The following RASAL1 variants were observed in gnomAD, a reference collection of about 807,000 sequenced individuals.
RASAL1 encodes the protein RAS protein activator like 1.
Under a neutral mutation model 96.6 loss-of-function variants are expected in RASAL1, and 72 were observed. The observed-to-expected ratio is 0.75, with a 90% confidence interval of 0.62 to 0.91. The LOEUF is 0.91. Among genes scored for constraint, RASAL1 ranks in the 40% least tolerant of loss-of-function variants. The pLI, the probability that RASAL1 is intolerant of heterozygous loss-of-function variation, is 0.00. For synonymous variants in RASAL1, 405 were observed against 430.4 expected (o/e 0.94, Z 0.73); for missense variants, 1,016 against 1,072.5 (o/e 0.95, Z 0.74).
chr12:113,121,667 A>G, intron 4 of RASAL1, 29 bp from the exon 5 acceptor site: 1 of 1,613,188 alleles, frequency 6.2e-7, no homozygotes. Flanking sequence ...AACATTTATG[A>G]AGCGCCTACC....
At chr12:113,117,279 C>T in intron 7 of RASAL1, 118 bp from the exon 8 acceptor site, 1 of 672,520 alleles carries the variant, frequency 1.5e-6, no homozygotes, top group Non-Finnish European at 2.3e-6. Context: ...GCAGAATGGC[C>T]TGCCAGGGGA....
Position 113,119,434 on chromosome 12 carries a change from A to G in RASAL1, c.438T>C (p.Ala146=). 6.2e-7 allele frequency: 1 copy of G among 1,604,966 alleles called. No individual in the cohort carries two copies. Among genetic ancestry groups the G allele is most frequent in the Non-Finnish European group, 8.5e-7 (1 of 1,174,736 alleles). Residue 146 remains alanine (A), a synonymous_variant, in exon 6 of 21, where the codon GCT becomes GCC. Coordinates refer to ENST00000548055, the MANE Select transcript of RASAL1 (RefSeq NM_001301202.2). ...CAGATGTGCCAGAGATGTCTCTGGG[A>G]GCCAGGTCCCTGGGAACAGATGGGG... The part of the protein sequence containing the change: ...RCHVLQARDL[A]PRDISGTSDP...
intron 7 of RASAL1, among the ~76,000 whole-genome samples, chr12:113,117,682 G>A (rs998934826): frequency 3.9e-5 from 6 of 152,090 alleles, no homozygotes; most frequent in Non-Finnish European, 8.8e-5. Context: ...CCAGAACATT[G>A]TCTATGAGCC....
intron 4 of RASAL1, among the ~76,000 whole-genome samples, chr12:113,125,055 A>G (rs1047958879): frequency 1.3e-5 from 2 of 151,956 alleles, no homozygotes; most frequent in Admixed American, 6.6e-5. Context: ...TGAGGCCAGG[A>G]GTTCAAGATC....
Position 113,119,142 on chromosome 12 carries a change from C to G in RASAL1, c.628G>C (p.Asp210His), listed in dbSNP as rs1451919712. The stretch of plus-strand genomic sequence containing the variant: ...ATGAGGCTCACCATGCCCAAGAAGT[C>G]ATTCTTGCCCACCATGTCCCAGTCC... ...LWDWDMVGKN[D>H]FLGMVEFSPK... Residue 210 changes from aspartate (D) to histidine (H), a missense_variant, in exon 7 of 21, where the codon GAC (aspartate) becomes CAC (histidine). Physicochemically the swap from Asp to His is moderately conservative, Grantham distance 81. Coordinates refer to ENST00000548055, the MANE Select transcript of RASAL1 (RefSeq NM_001301202.2). 6.2e-7 allele frequency: 1 copy of G among 1,610,586 alleles called. No homozygotes were observed. The highest frequency in any genetic ancestry group is 8.5e-7 in the Non-Finnish European group (1 of 1,177,938).
chr12:113,131,969 T>G (rs1313878098), intron 1 of RASAL1, among the ~76,000 whole-genome samples: 123 of 102,746 alleles, frequency 1.2e-3, no homozygotes, highest in Non-Finnish European at 1.8e-3. Flanking sequence ...CTTCTTCTTC[T>G]TTTTTTTTTT....
intron 1 of RASAL1, among the ~76,000 whole-genome samples, chr12:113,131,403 G>A (rs1032038615): frequency 6.6e-6 from 1 of 152,102 alleles, no homozygotes; most frequent in Non-Finnish European, 1.5e-5. Context: ...GAACTCAAAT[G>A]CTGGGCCGGA....
chr12:113,132,450 G>C (rs1035044809), intron 1 of RASAL1, among the ~76,000 whole-genome samples: 5 of 152,190 alleles, frequency 3.3e-5, no homozygotes, highest in Non-Finnish European at 7.4e-5. Context: ...TGCTCTCTCT[G>C]GAGCACGGAG....
intron 7 of RASAL1, 47 bp downstream of exon 7, chr12:113,119,081 G>A (rs1159431471): frequency 1.3e-6 from 2 of 1,537,786 alleles, no homozygotes; most frequent in Admixed American, 1.9e-5. Flanking sequence ...CTTCCCCCTT[G>A]GAGGCACTGG....
intron 4 of RASAL1, among the ~76,000 whole-genome samples, chr12:113,125,504 A>C (rs1951449065): frequency 2.0e-5 from 3 of 152,232 alleles, no homozygotes; most frequent in Admixed American, 2.0e-4. Flanking sequence ...TATATAAAAA[A>C]GGCTCATGGA....
intron 17 of RASAL1, 22 bp from the exon 18 acceptor site, chr12:113,104,103 C>G (rs1566035548): frequency 6.4e-7 from 1 of 1,563,716 alleles, no homozygotes; most frequent in East Asian, 2.3e-5. Context: ...GGGAGGCGAT[C>G]AGGGGGCGGG....
At chr12:113,107,278 C>A in intron 14 of RASAL1, 37 bp from the exon 15 acceptor site, 1 of 1,557,288 alleles carries the variant, frequency 6.4e-7, no homozygotes, top group South Asian at 1.2e-5. Context: ...GGGCCAAGGT[C>A]ACAGCAGAGG....
intron 4 of RASAL1, among the ~76,000 whole-genome samples, chr12:113,122,942 C>T (rs1415950179): frequency 1.3e-5 from 2 of 152,064 alleles, no homozygotes; most frequent in Non-Finnish European, 2.9e-5. Flanking sequence ...ATTTTTTCTC[C>T]TTTTCCTCTG....
intron 4 of RASAL1, among the ~76,000 whole-genome samples, chr12:113,127,180 T>G (rs1951517964): frequency 6.6e-6 from 1 of 151,952 alleles, no homozygotes; most frequent in Admixed American, 6.6e-5. Context: ...GGATTACAGG[T>G]GTGAGGCACA....
Position 113,103,605 on chromosome 12 carries a change from CAA to C in RASAL1, c.2104+339_2104+340del, listed in dbSNP as rs35312852. On this transcript the variant is annotated intron_variant, in intron 18 of 20. Coordinates refer to ENST00000548055, the MANE Select transcript of RASAL1 (RefSeq NM_001301202.2). ...TGGGCAATAGAGTGAGACTCTGTCT[CAA>C]AAAAAAAAAAAATTATTGGGTTATG... Among the ~76,000 whole-genome samples, 118 of 134,572 alleles carry C rather than the reference CAA, an allele frequency of 8.8e-4. 1 individual carries two copies. Among genetic ancestry groups the C allele is most frequent in the African/African-American group, 3.1e-3 (114 of 36,698 alleles). 88.3% of individuals were successfully genotyped at this position (134,572 alleles called of 152,430 possible).
rs1262202152 is a variant in RASAL1, at chr12:113,130,056, A to G, written c.122+829T>C. Among the ~76,000 whole-genome samples, 1 of 150,898 alleles carries G rather than the reference A, an allele frequency of 6.6e-6. No individual in the cohort carries two copies. Among genetic ancestry groups the G allele is most frequent in the Non-Finnish European group, 1.5e-5 (1 of 67,664 alleles). ...GACCCCTCCCCCAGGCAGGCTCCCC[A>G]CCCCCAGCTCTGAGCCCATCTGGAC... On this transcript the variant is annotated intron_variant, in intron 2 of 20. Transcript: ENST00000548055. The surrounding 1 kb of genome is among the most constrained non-coding windows in gnomAD (Gnocchi z 5.1).
Position 113,129,536 on chromosome 12 carries a change from C to G in RASAL1, c.122+1349G>C, listed in dbSNP as rs989506253. On this transcript the variant is annotated intron_variant, in intron 2 of 20. Coordinates refer to ENST00000548055, the MANE Select transcript of RASAL1 (RefSeq NM_001301202.2). The surrounding 1 kb of genome is among the most constrained non-coding windows in gnomAD (Gnocchi z 5.0). ...CCCAGAAACAGGTGCACACACACAG[C>G]ATCTCTGCCCTGACATCCCTGCAGG... Among the ~76,000 whole-genome samples, 1 of 152,152 alleles carries G rather than the reference C, an allele frequency of 6.6e-6. No homozygotes were observed. Among genetic ancestry groups the G allele is most frequent in the African/African-American group, 2.4e-5 (1 of 41,430 alleles).
chr12:113,109,918 T>G (rs760123948), intron 13 of RASAL1, among the ~76,000 whole-genome samples: 1 of 152,206 alleles, frequency 6.6e-6, no homozygotes, highest in Non-Finnish European at 1.5e-5. Flanking sequence ...CCGGTGTCAG[T>G]GCAGCAGAGA....
rs557767002 is a variant in RASAL1, at chr12:113,111,249, GTTC to G, written c.1374+834_1374+836del. Among the ~76,000 whole-genome samples the G allele has an allele frequency of 2.0e-3, 304 of 152,244 alleles. 5 individuals carry two copies. The highest frequency in any genetic ancestry group is 6.5e-3 in the African/African-American group (271 of 41,548). ...AGCACTTACTGTATGCCAGATCTGC[GTTC>G]TTCTCTCTTACTTCCTCTCTCTCTC... On this transcript the variant is annotated intron_variant, in intron 13 of 20. Coordinates refer to ENST00000548055, the MANE Select transcript of RASAL1 (RefSeq NM_001301202.2).
Sources: allele counts gnomAD v4.1 joint callset (sites outside exome capture counted in the v4.1 genomes callset), GRCh38; gene constraint gnomAD v4.1.1; non-coding constraint Gnocchi (gnomAD v3.1); transcripts MANE v1.5; gene names NCBI Gene and HGNC (gene_info 2026-07-23, HGNC 2026-07-21).